TNRC6B: variants seen among roughly 807,000 people sequenced by gnomAD.
The protein encoded by TNRC6B is trinucleotide repeat-containing gene 6B protein.
Under a neutral mutation model 203.6 loss-of-function variants are expected in TNRC6B, and 52 were observed. That is an observed-to-expected ratio of 0.26 (90% CI 0.20 to 0.32). TNRC6B has a LOEUF of 0.32. TNRC6B is among the 10% of genes least tolerant of loss of function. The pLI, the probability that TNRC6B is intolerant of heterozygous loss-of-function variation, is 1.00. For synonymous variants in TNRC6B, 838 were observed against 845.7 expected (o/e 0.99, Z 0.16); for missense variants, 1,923 against 2,286.2 (o/e 0.84, Z 3.24).
intron 1 of TNRC6B, among the ~76,000 whole-genome samples, chr22:40,236,918 A>G (rs1402574418): frequency 6.6e-6 from 1 of 152,160 alleles, no homozygotes; most frequent in Non-Finnish European, 1.5e-5. Context: ...TAATCCCAAC[A>G]TTTTGGGAGG....
chr22:40,329,031 AC>A lies in TNRC6B; in HGVS notation c.*5791del, dbSNP rs1253146755. On this transcript the variant is annotated 3_prime_UTR_variant, in exon 23 of 23. Coordinates refer to ENST00000454349, the MANE Select transcript of TNRC6B (RefSeq NM_001162501.2). ...CTTAGTGTTACTGCAAAAAAAAAAAACAAAAACAAAACAAAAAAAAGCCTTG... is the reference window on the plus strand; with the variant it reads ...CTTAGTGTTACTGCAAAAAAAAAAAAAAAAACAAAACAAAAAAAAGCCTTG... 10 of 150,472 alleles carry A rather than the reference AC, an allele frequency of 6.6e-5. No homozygotes were observed. The highest frequency in any genetic ancestry group is 1.5e-4 in the African/African-American group (6 of 40,214). The allele number at this position is 150,472 out of a possible 1,614,324, so 9.3% of individuals were successfully genotyped here. A position where few individuals can be genotyped will look rare whatever the true frequency, so the allele number is the denominator to read the frequency against.
chr22:40,188,647 G>A (rs972393030), intron 1 of TNRC6B, among the ~76,000 whole-genome samples: 2 of 152,074 alleles, frequency 1.3e-5, no homozygotes, highest in African/African-American at 4.8e-5. Flanking sequence ...TCTGCTTACC[G>A]AAAATAATTG....
At chr22:40,067,003 A>G (rs573727250) in intron 1 of TNRC6B, among the ~76,000 whole-genome samples, 2 of 151,760 alleles carry the variant, frequency 1.3e-5, no homozygotes, top group East Asian at 3.9e-4. Context: ...TCCGAGGCTC[A>G]AGTGATCCTC....
chr22:40,128,486 T>A (rs940925753), intron 3 of TNRC6B, among the ~76,000 whole-genome samples: 2 of 151,982 alleles, frequency 1.3e-5, no homozygotes, highest in African/African-American at 4.8e-5. Flanking sequence ...TTCAATATAT[T>A]TTTTTTGAGA....
At chr22:40,277,920 C>A in intron 8 of TNRC6B, 79 bp from the exon 9 acceptor site, 2 of 1,082,996 alleles carry the variant, frequency 1.8e-6, no homozygotes, top group Non-Finnish European at 2.8e-6. Context: ...TAAGACGTGG[C>A]TCTCAGGTGA....
chr22:40,046,198 T>G (rs916034996), intron 1 of TNRC6B, among the ~76,000 whole-genome samples: 4 of 152,230 alleles, frequency 2.6e-5, no homozygotes, highest in Non-Finnish European at 5.9e-5. Context: ...TAGTATAAGG[T>G]TTCTCTTGAT....
At chr22:40,192,834 A>G (rs577178367) in intron 1 of TNRC6B, among the ~76,000 whole-genome samples, 20 of 152,308 alleles carry the variant, frequency 1.3e-4, no homozygotes, top group African/African-American at 4.3e-4. Context: ...GGCTTTGGAC[A>G]TGTTTAGATT....
At chr22:40,251,853 G>T (rs2070200330) in intron 3 of TNRC6B, among the ~76,000 whole-genome samples, 1 of 152,060 alleles carries the variant, frequency 6.6e-6, no homozygotes, top group African/African-American at 2.4e-5. Context: ...CCACCACCTT[G>T]ACCCATGGCA....
upstream of TNRC6B, chr22:40,177,920 C>T (rs543752554): frequency 1.5e-6 from 2 of 1,342,272 alleles, no homozygotes; most frequent in South Asian, 2.1e-5. Flanking sequence ...AAAGCTGCTT[C>T]CTTTAGAGAC....
chr22:40,293,190 CTTTTTTTT>C (rs748230080), intron 12 of TNRC6B, among the ~76,000 whole-genome samples: 1 of 79,450 alleles, frequency 1.3e-5, no homozygotes, highest in African/African-American at 4.8e-5. Flanking sequence ...ATATCCTTTT[CTTTTTTTT>C]TTTTTTTTTT....
chr22:40,153,175 T>C (rs1191586474), intron 3 of TNRC6B, among the ~76,000 whole-genome samples: 1 of 152,214 alleles, frequency 6.6e-6, no homozygotes, highest in East Asian at 1.9e-4. Flanking sequence ...GTTTCAGTCA[T>C]TCAAGGTCTC....
At chr22:40,276,064 C>T (rs761034274) in intron 7 of TNRC6B, among the ~76,000 whole-genome samples, 3 of 151,688 alleles carry the variant, frequency 2.0e-5, no homozygotes, top group Non-Finnish European at 4.4e-5. Flanking sequence ...ACTACCATCA[C>T]GGGCTGGGCA....
intron 2 of TNRC6B, among the ~76,000 whole-genome samples, chr22:40,248,587 G>C (rs1305268956): frequency 6.6e-6 from 1 of 152,160 alleles, no homozygotes; most frequent in Non-Finnish European, 1.5e-5. Context: ...AAAGAAAAAT[G>C]ATTTAAAATA....
chr22:40,149,440 G>A (rs1229395633), intron 3 of TNRC6B, among the ~76,000 whole-genome samples: 6 of 152,038 alleles, frequency 3.9e-5, no homozygotes, highest in African/African-American at 1.2e-4. Context: ...AGGCCAAGGC[G>A]GGCAAATCAC....
intron 3 of TNRC6B, chr22:40,156,081 G>A: frequency 6.4e-7 from 1 of 1,557,216 alleles, no homozygotes; most frequent in Non-Finnish European, 8.7e-7. Context: ...TGTAGTTACT[G>A]ACTGCTGCTG....
At chr22:40,212,698 T>C (rs1049393724) in intron 1 of TNRC6B, among the ~76,000 whole-genome samples, 4 of 152,208 alleles carry the variant, frequency 2.6e-5, no homozygotes, top group Non-Finnish European at 5.9e-5. Flanking sequence ...TGAGACACAG[T>C]CTCACTCTGT....
At chr22:40,133,886 C>G (rs1418636273) in intron 3 of TNRC6B, among the ~76,000 whole-genome samples, 1 of 140,692 alleles carries the variant, frequency 7.1e-6, no homozygotes, top group East Asian at 2.1e-4. Context: ...AGGAGAAGCA[C>G]TTGAACCCAG....
intron 15 of TNRC6B, among the ~76,000 whole-genome samples, chr22:40,301,944 A>G (rs1180968138): frequency 6.6e-6 from 1 of 152,248 alleles, no homozygotes; most frequent in Non-Finnish European, 1.5e-5. Context: ...TGTGAGTGGT[A>G]CACATGGCTG....
intron 12 of TNRC6B, among the ~76,000 whole-genome samples, chr22:40,292,269 C>T (rs1350537604): frequency 6.6e-6 from 1 of 151,504 alleles, no homozygotes; most frequent in East Asian, 1.9e-4. Context: ...AGGAGAATCG[C>T]TTGAACCCAG....
Sources: allele counts gnomAD v4.1 joint callset (sites outside exome capture counted in the v4.1 genomes callset), GRCh38; gene constraint gnomAD v4.1.1; transcripts MANE v1.5; gene names NCBI Gene and HGNC (gene_info 2026-07-23, HGNC 2026-07-21).